PHACTR1: variants seen among roughly 807,000 people sequenced by gnomAD.
PHACTR1 encodes phosphatase and actin regulator 1.
Under a neutral mutation model 69.2 loss-of-function variants are expected in PHACTR1, and 16 were observed. The ratio of observed to expected loss-of-function variants is 0.23; its 90% CI spans 0.16 to 0.35. The LOEUF (loss-of-function observed/expected upper bound fraction) is 0.35, where lower values mean the gene tolerates loss of function less well. Among genes scored for constraint, PHACTR1 ranks in the 10% least tolerant of loss-of-function variants. The probability of loss-of-function intolerance (pLI) is 1.00; values close to 1 mark genes in which losing one functional copy is unlikely to be tolerated. For synonymous variants in PHACTR1, 312 were observed against 284.5 expected, an observed-to-expected ratio of 1.10 and a Z score of -0.97; for missense variants, 510 against 734.7, an observed-to-expected ratio of 0.69 and a Z score of 3.54.
In PHACTR1 at chr6:12,829,888, G is replaced by A. The variant is rs563090824; in HGVS notation, c.250+80098G>A. ...CAGGAGAATCGCTTGAACCCAGGAG[G>A]CGGAGGTTGCAGTGAGCCAAGATTG... On this transcript the variant is annotated intron_variant, in intron 4 of 14. Coordinates refer to ENST00000332995, the MANE Select transcript of PHACTR1 (RefSeq NM_030948.6). Among the ~76,000 whole-genome samples, 11 of 150,918 alleles carry A rather than the reference G, an allele frequency of 7.3e-5. No homozygotes were observed. The East Asian group carries it at 1.6e-3, about 21-fold the overall frequency.
chr6:13,072,716 T>C (rs933192366), intron 5 of PHACTR1, among the ~76,000 whole-genome samples: 1 of 152,206 alleles, frequency 6.6e-6, no homozygotes, highest in African/African-American at 2.4e-5. Flanking sequence ...TATGCATTTC[T>C]CCTTTATTTG....
At chr6:13,056,853 A>C (rs2127742817) in intron 5 of PHACTR1, among the ~76,000 whole-genome samples, 1 of 152,302 alleles carries the variant, frequency 6.6e-6, no homozygotes, top group African/African-American at 2.4e-5. Flanking sequence ...GGACTGAGGA[A>C]CCTAATGATT....
At chr6:12,972,915 T>A (rs963346443) in intron 4 of PHACTR1, among the ~76,000 whole-genome samples, 1 of 152,126 alleles carries the variant, frequency 6.6e-6, no homozygotes, top group Admixed American at 6.5e-5. Flanking sequence ...CCTCCCAAAG[T>A]GTTGGGATTA....
intron 7 of PHACTR1, among the ~76,000 whole-genome samples, chr6:13,198,646 A>G (rs1261975471): frequency 9.2e-5 from 14 of 151,580 alleles, no homozygotes; most frequent in Non-Finnish European, 1.5e-5. Flanking sequence ...GAAAGAAAAG[A>G]AAAAGATCCG....
chr6:13,044,646 C>T (rs572938987), intron 4 of PHACTR1, among the ~76,000 whole-genome samples: 1 of 152,138 alleles, frequency 6.6e-6, no homozygotes, highest in South Asian at 2.1e-4. Context: ...GAAGCCCTTG[C>T]CACCTGGTGG....
At chr6:12,974,188 G>A (rs1047897122) in intron 4 of PHACTR1, among the ~76,000 whole-genome samples, 3 of 152,106 alleles carry the variant, frequency 2.0e-5, no homozygotes, top group Admixed American at 6.6e-5. Context: ...GCAAAGTGCT[G>A]GGATTACAGG....
intron 4 of PHACTR1, among the ~76,000 whole-genome samples, chr6:12,783,640 C>T (rs1001556107): frequency 6.6e-6 from 1 of 152,092 alleles, no homozygotes; most frequent in South Asian, 2.1e-4. Context: ...AACAGTTAAC[C>T]TTTATTGCAT....
At chr6:13,167,715 G>A (rs1026306364) in intron 6 of PHACTR1, among the ~76,000 whole-genome samples, 2 of 152,348 alleles carry the variant, frequency 1.3e-5, no homozygotes, top group African/African-American at 4.8e-5. Flanking sequence ...GCCACAGCAA[G>A]TAATAAAGTA....
chr6:13,214,443 C>T (rs916800265), intron 8 of PHACTR1, among the ~76,000 whole-genome samples: 1 of 152,206 alleles, frequency 6.6e-6, no homozygotes, highest in Admixed American at 6.5e-5. Context: ...TGAAGTACAT[C>T]GTCCCTTCTT....
Position 12,808,315 on chromosome 6 carries a change from A to G in PHACTR1, c.250+58525A>G, listed in dbSNP as rs149267173. 4.2e-3 allele frequency among the ~76,000 whole-genome samples: 639 copies of G among 152,318 alleles called. 5 individuals carry two copies. Among genetic ancestry groups the G allele is most frequent in the African/African-American group, 0.015 (617 of 41,570 alleles). Reference sequence around the variant, plus strand: ...AAAGTATATATTTTAACTTTTAAAAACTTAGTGGAGAATAAATTTTTGAAA... The same window carrying G: ...AAAGTATATATTTTAACTTTTAAAAGCTTAGTGGAGAATAAATTTTTGAAA... On this transcript the variant is annotated intron_variant, in intron 4 of 14. Coordinates refer to ENST00000332995, the MANE Select transcript of PHACTR1 (RefSeq NM_030948.6).
At chr6:13,215,878 G>C (rs1767596021) in intron 8 of PHACTR1, among the ~76,000 whole-genome samples, 1 of 152,206 alleles carries the variant, frequency 6.6e-6, no homozygotes, top group Non-Finnish European at 1.5e-5. Flanking sequence ...TGATCAACTA[G>C]ATGCAGGAAA....
intron 4 of PHACTR1, among the ~76,000 whole-genome samples, chr6:13,009,075 A>G (rs148923269): frequency 1.7e-3 from 261 of 152,272 alleles, no homozygotes; most frequent in African/African-American, 5.8e-3. Context: ...CCCATCTCCG[A>G]GTCCATCTTC....
intron 4 of PHACTR1, among the ~76,000 whole-genome samples, chr6:12,819,840 T>A (rs1430491761): frequency 2.6e-5 from 4 of 152,180 alleles, no homozygotes; most frequent in Non-Finnish European, 5.9e-5. Context: ...AGGTCAGGTA[T>A]CCTCGATTCC....
Position 12,830,133 on chromosome 6 carries a change from G to GA in PHACTR1, c.250+80346dup, listed in dbSNP as rs201654737. On this transcript the variant is annotated intron_variant, in intron 4 of 14. Transcript: ENST00000332995. The stretch of plus-strand genomic sequence containing the variant: ...AGAAAGAAAGAAAGAAAGAAAGAAA[G>GA]AAAGAAAGAAAGAAAGAAAGAAAGA... Among the ~76,000 whole-genome samples, 6 of 143,464 alleles carry GA rather than the reference G, an allele frequency of 4.2e-5. 1 individual carries two copies. The highest frequency in any genetic ancestry group is 2.5e-5 in the African/African-American group (1 of 39,634). 94.1% of individuals were successfully genotyped at this position (143,464 alleles called of 152,430 possible).
At chr6:13,139,725 T>C (rs1301465468) in intron 5 of PHACTR1, among the ~76,000 whole-genome samples, 1 of 152,202 alleles carries the variant, frequency 6.6e-6, no homozygotes, top group Non-Finnish European at 1.5e-5. Context: ...ATATAAATAA[T>C]TTCAGCAAAG....
At chr6:12,861,546 C>G (rs1780940174) in intron 4 of PHACTR1, among the ~76,000 whole-genome samples, 1 of 152,222 alleles carries the variant, frequency 6.6e-6, no homozygotes, top group South Asian at 2.1e-4. Flanking sequence ...CACTGTATTG[C>G]TCTTCTGCTG....
chr6:13,024,150 C>T (rs922695359), intron 4 of PHACTR1, among the ~76,000 whole-genome samples: 1 of 151,764 alleles, frequency 6.6e-6, no homozygotes, highest in African/African-American at 2.4e-5. Flanking sequence ...TTGAGAGATG[C>T]ATTATAGGGA....
At chr6:12,869,205 GATGTACAGA>G (rs1423691843) in intron 4 of PHACTR1, among the ~76,000 whole-genome samples, 1 of 152,108 alleles carries the variant, frequency 6.6e-6, no homozygotes, top group Non-Finnish European at 1.5e-5. Flanking sequence ...GGTTCCCCAA[GATGTACAGA>G]ATGAGGGACA....
chr6:13,247,326 C>T (rs925871853), intron 10 of PHACTR1, among the ~76,000 whole-genome samples: 5 of 138,998 alleles, frequency 3.6e-5, no homozygotes, highest in East Asian at 2.1e-4. Context: ...CAAGTTCCCT[C>T]GTGTGTGTGT....
Sources: allele counts gnomAD v4.1 joint callset (sites outside exome capture counted in the v4.1 genomes callset), GRCh38; gene constraint gnomAD v4.1.1; transcripts MANE v1.5; gene names NCBI Gene and HGNC (gene_info 2026-07-23, HGNC 2026-07-21).